Variants in SCUBE2 observed in about 807,000 individuals in gnomAD.
The protein encoded by SCUBE2 is signal peptide, CUB domain and EGF like domain containing 2.
Under a neutral mutation model 125.9 loss-of-function variants are expected in SCUBE2, and 114 were observed. The ratio of observed to expected loss-of-function variants is 0.91; its 90% CI spans 0.78 to 1.06. SCUBE2 has a LOEUF of 1.06. Among genes scored for constraint, SCUBE2 ranks in the 50% least tolerant of loss-of-function variants. The probability of loss-of-function intolerance (pLI) is 0.00; values close to 1 mark genes in which losing one functional copy is unlikely to be tolerated. For synonymous variants in SCUBE2, 459 were observed against 492.9 expected (o/e 0.93, Z 0.91); for missense variants, 1,255 against 1,301.8 (o/e 0.96, Z 0.55).
chr11:9,089,764 T>C lies in SCUBE2; in HGVS notation c.199A>G (p.Thr67Ala). 2 of 1,613,794 alleles carry C rather than the reference T, an allele frequency of 1.2e-6. No individual in the cohort carries two copies. Among genetic ancestry groups the C allele is most frequent in the African/African-American group, 1.3e-5 (1 of 74,896 alleles). Residue 67 changes from threonine (T) to alanine (A), a missense_variant, in exon 2 of 23, where the codon ACC (threonine) becomes GCC (alanine). Thr to Ala is a moderately conservative substitution (Grantham distance 58). Around this residue, in one of 3 missense-constraint regions of SCUBE2, gnomAD observed 362 missense variants for 323.0 expected, o/e 1.12. Transcript: ENST00000649792. ...GGCTTGCAGGAGCACTTGTAGGAGG[T>C]GGGTGTGTTCTGACACAGGGCGTCG... ...HADALCQNTP[T>A]SYKCSCKPGY...
At chr11:9,088,431 G>A (rs148388144) in intron 2 of SCUBE2, among the ~76,000 whole-genome samples, 51 of 152,386 alleles carry the variant, frequency 3.3e-4, no homozygotes, top group African/African-American at 1.1e-3. Flanking sequence ...GGCCGGGGAT[G>A]AGGAGGCTTC....
chr11:9,050,393 C>T (rs1290913881), intron 14 of SCUBE2: 4 of 539,812 alleles, frequency 7.4e-6, no homozygotes, highest in East Asian at 6.1e-5. Context: ...AAGGAAGCCC[C>T]GAAGTGTGAC....
At position 9,059,413 on chromosome 11, in the gene SCUBE2, C is replaced by T; in HGVS notation, c.980G>A (p.Cys327Tyr). Reference protein sequence around the residue: ...DGKTCKDIDECQTRNGGCDHF... With the variant: ...DGKTCKDIDEYQTRNGGCDHF... ...ATCACAACCTCCATTGCGGGTCTGGCACTCATCAATATCTGCAACAGGAAA... is the reference window on the plus strand; with the variant it reads ...ATCACAACCTCCATTGCGGGTCTGGTACTCATCAATATCTGCAACAGGAAA... The change falls in exon 9 of 23, where the codon TGC becomes TAC. Residue 327 changes from cysteine to tyrosine, a missense_variant. Around this residue, in one of 3 missense-constraint regions of SCUBE2, gnomAD observed 378 missense variants for 463.1 expected, o/e 0.82. Coordinates refer to ENST00000649792, the MANE Select transcript of SCUBE2 (RefSeq NM_001367977.2). 1 of 1,614,088 alleles carries T rather than the reference C, an allele frequency of 6.2e-7. No individual in the cohort carries two copies.
intron 6 of SCUBE2, 114 bp downstream of exon 6, chr11:9,066,583 G>C (rs552388190): frequency 6.4e-5 from 54 of 848,758 alleles, no homozygotes; most frequent in South Asian, 4.8e-4. Flanking sequence ...GGGCCTGCTG[G>C]GGGGGCAAAT....
intron 14 of SCUBE2, chr11:9,050,394 G>A (rs780421811): frequency 3.5e-5 from 19 of 538,362 alleles, no homozygotes; most frequent in African/African-American, 5.7e-5. Flanking sequence ...AGGAAGCCCC[G>A]AAGTGTGACC....
At chr11:9,040,792 ACACGAGATTTCATCACAC>A (rs1172869903) in intron 16 of SCUBE2, among the ~76,000 whole-genome samples, 1 of 152,234 alleles carries the variant, frequency 6.6e-6, no homozygotes, top group African/African-American at 2.4e-5. Flanking sequence ...GAGCAGGACA[ACACGAGATTTCATCACAC>A]CACTCTGAAG....
At position 9,091,460 on chromosome 11, in the gene SCUBE2, C is replaced by CAGT. The variant is rs891920694; in HGVS notation, c.68_69insACT (p.Pro23_Pro24insLeu). The CAGT allele has an allele frequency of 1.6e-6, 2 of 1,280,674 alleles. No homozygotes were observed. Among genetic ancestry groups the CAGT allele is most frequent in the African/African-American group, 5.1e-5 (2 of 39,338 alleles). The allele number at this position is 1,280,674 out of a possible 1,614,324, so 79.3% of individuals were successfully genotyped here. On this transcript the variant is annotated inframe_insertion, in exon 1 of 23. Coordinates refer to ENST00000649792, the MANE Select transcript of SCUBE2 (RefSeq NM_001367977.2). The surrounding 1 kb of genome is among the most constrained non-coding windows in gnomAD (Gnocchi z 8.5). ...CGGCCCCCGCCAGCAGCAGCAGTGG[C>CAGT]GGCAGCAGCAGCAGCAGCAGCAGCA... is the stretch of plus-strand genomic sequence containing the variant.
rs1855850110 is a variant in SCUBE2, at chr11:9,027,263, AG to A, written c.2701+100del. On this transcript the variant is annotated intron_variant, in intron 20 of 22. Coordinates refer to ENST00000649792, the MANE Select transcript of SCUBE2 (RefSeq NM_001367977.2). ...CATGTTCACCTCTGCTCTAATATGGAGGTGACGTTCTAGGCCTGCCTCCTCA... is the reference window on the plus strand; with the variant it reads ...CATGTTCACCTCTGCTCTAATATGGAGTGACGTTCTAGGCCTGCCTCCTCA... 6 of 1,078,620 alleles carry A rather than the reference AG, an allele frequency of 5.6e-6. No individual in the cohort carries two copies. The Admixed American group carries it at 1.2e-4, about 22-fold the overall frequency. 66.8% of individuals were successfully genotyped at this position (1,078,620 alleles called of 1,614,324 possible). A position where few individuals can be genotyped will look rare whatever the true frequency, so the allele number is the denominator to read the frequency against.
intron 9 of SCUBE2, chr11:9,057,269 G>A (rs1224755199): frequency 6.6e-6 from 1 of 152,070 alleles, no homozygotes. Flanking sequence ...CTATACACTA[G>A]GAAACATTAT....
chr11:9,021,883 A>G lies in SCUBE2; in HGVS notation c.2927T>C (p.Ile976Thr). ...RLYASENHQE[I>T]LKDKKLIKAL... ...CCTGAGCCAGGCACTCACCTTAAGT[A>G]TTTCCTGATGGTTCTCAGATGCATA... Residue 976 changes from isoleucine (I) to threonine (T), a missense_variant, in exon 22 of 23, where the codon ATA (isoleucine) becomes ACA (threonine). This residue lies in a region of SCUBE2 where 515 missense variants were observed against 515.7 expected (regional missense o/e 1.00). Transcript: ENST00000649792. 7 of 1,613,052 alleles carry G rather than the reference A, an allele frequency of 4.3e-6. No individual in the cohort carries two copies. Among genetic ancestry groups the G allele is most frequent in the Middle Eastern group, 1.7e-4 (1 of 5,944 alleles).
intron 16 of SCUBE2, among the ~76,000 whole-genome samples, chr11:9,035,667 G>A (rs944017571): frequency 6.6e-6 from 1 of 151,836 alleles, no homozygotes; most frequent in Non-Finnish European, 1.5e-5. Flanking sequence ...AACGTTCTCT[G>A]TTATAAGAAA....
intron 16 of SCUBE2, among the ~76,000 whole-genome samples, chr11:9,038,194 C>T (rs768868896): frequency 6.6e-6 from 1 of 151,922 alleles, no homozygotes; most frequent in South Asian, 2.1e-4. Context: ...AATGAGCAAG[C>T]AAATAAGTAT....
chr11:9,060,311 G>A, intron 8 of SCUBE2, 97 bp downstream of exon 8: 1 of 861,934 alleles, frequency 1.2e-6, no homozygotes, highest in Non-Finnish European at 1.9e-6. Context: ...AGTCACGTGG[G>A]GTATGGAGGG....
rs758088864 is a variant in SCUBE2, at chr11:9,089,777, A to T, written c.186T>A (p.Cys62Ter). Residue 62 changes from cysteine (C) to a stop codon, truncating the protein, a stop_gained, in exon 2 of 23, where the codon TGT becomes TGA. Transcript: ENST00000649792. LOFTEE classifies it high-confidence loss of function. ...GLDDCHADALCQNTPTSYKCS... is the reference protein window; with the variant it reads ...GLDDCHADAL Reference sequence around the variant, plus strand: ...ACTTGTAGGAGGTGGGTGTGTTCTGACACAGGGCGTCGGCATGGCAGTCAT... The same window carrying T: ...ACTTGTAGGAGGTGGGTGTGTTCTGTCACAGGGCGTCGGCATGGCAGTCAT... The T allele has an allele frequency of 4.9e-5, 79 of 1,613,898 alleles. No homozygotes were observed. Among genetic ancestry groups the T allele is most frequent in the Non-Finnish European group, 6.5e-5 (77 of 1,179,964 alleles).
intron 4 of SCUBE2, 32 bp from the exon 5 acceptor site, chr11:9,069,527 G>A (rs374406316): frequency 1.6e-4 from 259 of 1,613,170 alleles, no homozygotes; most frequent in Non-Finnish European, 2.2e-4. Flanking sequence ...CAGGTGACTA[G>A]GCTGTGGTCA....
intron 19 of SCUBE2, among the ~76,000 whole-genome samples, chr11:9,028,114 C>G (rs922752721): frequency 6.6e-6 from 1 of 152,066 alleles, no homozygotes; most frequent in Middle Eastern, 3.2e-3. Context: ...TGCAGTGGTG[C>G]GATCATGGCT....
intron 3 of SCUBE2, among the ~76,000 whole-genome samples, 162 bp downstream of exon 3, chr11:9,079,222 T>C (rs1422562631): frequency 6.6e-6 from 1 of 152,212 alleles, no homozygotes; most frequent in East Asian, 1.9e-4. Context: ...CACATAAAAC[T>C]GAAACATTTT....
At chr11:9,052,657 C>T (rs570894819) in intron 13 of SCUBE2, 89 bp downstream of exon 13, 2 of 989,544 alleles carry the variant, frequency 2.0e-6, no homozygotes, top group Admixed American at 2.5e-5. Flanking sequence ...AGAAAAAAAA[C>T]AAAGCCAATG....
At chr11:9,033,404 A>T (rs773932751) in intron 17 of SCUBE2, among the ~76,000 whole-genome samples, 2 of 152,210 alleles carry the variant, frequency 1.3e-5, no homozygotes, top group Non-Finnish European at 2.9e-5. Context: ...CTGCTAGTGT[A>T]TTCTACCCCA....
Sources: allele counts gnomAD v4.1 joint callset (sites outside exome capture counted in the v4.1 genomes callset), GRCh38; gene constraint gnomAD v4.1.1; regional missense constraint gnomAD v4.1.1; non-coding constraint Gnocchi (gnomAD v3.1); transcripts MANE v1.5; gene names NCBI Gene and HGNC (gene_info 2026-07-23, HGNC 2026-07-21).